The following RNF157 variants were observed in gnomAD, a reference collection of about 807,000 sequenced individuals.
RNF157 encodes E3 ubiquitin ligase RNF157.
In RNF157, 55 loss-of-function variants were observed where a neutral mutation model predicts 88.3. The observed-to-expected ratio is 0.62, with a 90% CI of 0.50 to 0.78. The LOEUF is 0.78. Among genes scored for constraint, RNF157 ranks in the 30% least tolerant of loss-of-function variants. The pLI is 0.00. For missense variants in RNF157, 788 were observed against 860.8 expected (o/e 0.92, Z 1.06); for synonymous variants, 334 against 341.2 (o/e 0.98, Z 0.23).
intron 1 of RNF157, among the ~76,000 whole-genome samples, chr17:76,216,896 A>C (rs1169672221): frequency 2.6e-5 from 4 of 151,838 alleles, no homozygotes; most frequent in African/African-American, 9.7e-5. Flanking sequence ...GTGTCAAAAA[A>C]AAACAAAAAC....
At chr17:76,190,015 C>T (rs1568050480) in intron 2 of RNF157, among the ~76,000 whole-genome samples, 1 of 152,108 alleles carries the variant, frequency 6.6e-6, no homozygotes, top group Admixed American at 6.5e-5. Flanking sequence ...TGGAGAGAGC[C>T]GCAGAGTCCC....
At chr17:76,156,161 G>A (rs1371089098) in intron 14 of RNF157, 49 bp downstream of exon 14, 2 of 1,418,238 alleles carry the variant, frequency 1.4e-6, no homozygotes, top group African/African-American at 2.8e-5. Context: ...GGACACTGTG[G>A]GCTGGGTAAG....
chr17:76,238,574 C>G (rs971146120), intron 1 of RNF157, among the ~76,000 whole-genome samples: 2 of 152,166 alleles, frequency 1.3e-5, no homozygotes, highest in Non-Finnish European at 2.9e-5. Flanking sequence ...TTAAGTCCCA[C>G]ATATGAAAGA....
chr17:76,167,274 G>T, intron 4 of RNF157, 148 bp from the exon 5 acceptor site: 1 of 682,140 alleles, frequency 1.5e-6, no homozygotes, highest in Non-Finnish European at 2.5e-6. Flanking sequence ...CTTTGCTCTT[G>T]CTTGGCAACG....
rs771353600 is a variant in RNF157 at position 76,159,578 on chromosome 17, G to A, written c.1066-5C>T. 1.9e-6 allele frequency: 3 copies of A among 1,575,590 alleles called. No individual in the cohort carries two copies. Among genetic ancestry groups the A allele is most frequent in the Non-Finnish European group, 2.6e-6 (3 of 1,152,650 alleles). ...TGGTGGAATATTCTCTGAGGACTAG[G>A]GGAATCAGAGACAGGTTGAAAAATT... On this transcript the variant is annotated splice_polypyrimidine_tract_variant and splice_region_variant and intron_variant, in intron 11 of 18. Transcript: ENST00000269391.
chr17:76,213,569 C>CAA (rs532739758), intron 1 of RNF157, among the ~76,000 whole-genome samples: 13,569 of 75,760 alleles, frequency 0.18, 1,174 homozygotes, highest in African/African-American at 0.31. Context: ...AACTCCATCT[C>CAA]AAAAAAAAAA....
At chr17:76,149,401 G>A (rs925999799) in intron 18 of RNF157, among the ~76,000 whole-genome samples, 1 of 151,988 alleles carries the variant, frequency 6.6e-6, no homozygotes, top group Non-Finnish European at 1.5e-5. Context: ...GAGACCAGGC[G>A]CATGTGCAGC....
chr17:76,218,504 G>C (rs977920105), intron 1 of RNF157, among the ~76,000 whole-genome samples: 1 of 152,130 alleles, frequency 6.6e-6, no homozygotes, highest in Non-Finnish European at 1.5e-5. Context: ...AGTTAGCCAG[G>C]CATGGTGGCA....
chr17:76,210,473 C>T (rs2069770736), intron 2 of RNF157, among the ~76,000 whole-genome samples: 1 of 150,032 alleles, frequency 6.7e-6, no homozygotes. Context: ...GCCTGTAGTC[C>T]CAGCTACTCA....
At chr17:76,194,969 A>C (rs906827754) in intron 2 of RNF157, among the ~76,000 whole-genome samples, 11 of 152,236 alleles carry the variant, frequency 7.2e-5, no homozygotes, top group East Asian at 3.9e-4. Context: ...GAGCCGAGAT[A>C]GCACCACTGC....
chr17:76,149,030 A>G (rs1219408876), intron 18 of RNF157, among the ~76,000 whole-genome samples: 1 of 152,068 alleles, frequency 6.6e-6, no homozygotes, highest in African/African-American at 2.4e-5. Context: ...AACCTGTCAC[A>G]CCCATCAACT....
chr17:76,156,995 T>C (rs1254537210), intron 13 of RNF157, among the ~76,000 whole-genome samples: 8 of 151,178 alleles, frequency 5.3e-5, no homozygotes, highest in African/African-American at 1.9e-4. Context: ...GGAGTCTCGC[T>C]CTGTTGCCCA....
chr17:76,173,814 A>G, intron 2 of RNF157, 24 bp from the exon 3 acceptor site: 2 of 1,569,114 alleles, frequency 1.3e-6, no homozygotes, highest in Non-Finnish European at 1.7e-6. Flanking sequence ...AAAGCAGGAG[A>G]AGGTGGTGTG....
rs1182622069 is a variant in RNF157 at position 76,158,401 on chromosome 17, G to A, written c.1405C>T (p.Leu469Phe). 4 of 1,610,502 alleles carry A rather than the reference G, an allele frequency of 2.5e-6. No homozygotes were observed. The highest frequency in any genetic ancestry group is 2.5e-6 in the Non-Finnish European group (3 of 1,177,142). Reference protein sequence around the residue: ...QLSQRPSVQHLGEECGVTPES... With the variant: ...QLSQRPSVQHFGEECGVTPES... ...AGAGGAATGTCAATTACCTCTCCGA[G>A]ATGCTGAACCGACGGTCTCTGAGAG... The change falls in exon 13 of 19, where the codon CTC becomes TTC. Residue 469 changes from leucine to phenylalanine, a missense_variant. Coordinates refer to ENST00000269391, the MANE Select transcript of RNF157 (RefSeq NM_052916.3).
At chr17:76,162,091 G>A in intron 9 of RNF157, 89 bp from the exon 10 acceptor site, 1 of 1,347,914 alleles carries the variant, frequency 7.4e-7, no homozygotes. Flanking sequence ...GAAGAGCTAA[G>A]ATAAGTAATA....
chr17:76,205,499 G>C (rs1337847225), intron 2 of RNF157, among the ~76,000 whole-genome samples: 1 of 151,788 alleles, frequency 6.6e-6, no homozygotes, highest in African/African-American at 2.4e-5. Flanking sequence ...GGCTGAGATG[G>C]GTAGATCACG....
At chr17:76,237,758 G>C (rs1275243834) in intron 1 of RNF157, among the ~76,000 whole-genome samples, 1 of 152,046 alleles carries the variant, frequency 6.6e-6, no homozygotes, top group African/African-American at 2.4e-5. Flanking sequence ...TTCAAGACCA[G>C]CCTGGGCAAC....
rs2068828278 is a variant in RNF157 at position 76,160,291 on chromosome 17, T to A, written c.1066-718A>T. ...CCTTGAATGCCTTTTTTTCAAATTA[T>A]GTTCTTGTTATTAAATTATTAGCTC... On this transcript the variant is annotated intron_variant, in intron 11 of 18. Coordinates refer to ENST00000269391, the MANE Select transcript of RNF157 (RefSeq NM_052916.3). This position sits in a 1 kb window ranked among gnomAD's most constrained non-coding sequence, Gnocchi z 4.3. 6.6e-6 allele frequency among the ~76,000 whole-genome samples: 1 copy of A among 152,290 alleles called. No individual in the cohort carries two copies. Among genetic ancestry groups the A allele is most frequent in the Non-Finnish European group, 1.5e-5 (1 of 68,032 alleles).
chr17:76,159,351 T>C lies in RNF157; in HGVS notation c.1288A>G (p.Lys430Glu). The change falls in exon 12 of 19, where the codon AAA (lysine) becomes GAA (glutamate). Residue 430 changes from lysine (K) to glutamate (E), a missense_variant. Lys to Glu is a moderately conservative substitution (Grantham distance 56). Coordinates refer to ENST00000269391, the MANE Select transcript of RNF157 (RefSeq NM_052916.3). Reference protein sequence around the residue: ...SDSSSQGLKLKKSLSKSTSQN... With the variant: ...SDSSSQGLKLEKSLSKSTSQN... ...GCTACTCACTTGGAGAGACTCTTTT[T>C]GAGTTTGAGTCCCTGACTGCTGCTG... 1.2e-6 allele frequency: 2 copies of C among 1,613,416 alleles called. No individual in the cohort carries two copies. The highest frequency in any genetic ancestry group is 1.7e-6 in the Non-Finnish European group (2 of 1,179,716).
Sources: allele counts gnomAD v4.1 joint callset (sites outside exome capture counted in the v4.1 genomes callset), GRCh38; gene constraint gnomAD v4.1.1; non-coding constraint Gnocchi (gnomAD v3.1); transcripts MANE v1.5; gene names NCBI Gene and HGNC (gene_info 2026-07-23, HGNC 2026-07-21).